The following THSD7B variants were observed in gnomAD, a reference collection of about 807,000 sequenced individuals.
The protein encoded by THSD7B is thrombospondin type 1 domain containing 7B, also known as thrombospondin type-1 domain-containing protein 7B.
A neutral mutation model predicts 213.6 loss-of-function variants in THSD7B; 138 were observed. The observed-to-expected ratio is 0.65, with a 90% CI of 0.56 to 0.74. The LOEUF is 0.74. Ranked by LOEUF, THSD7B falls within the 30% of genes least tolerant of loss-of-function variation. The pLI, the probability that THSD7B is intolerant of heterozygous loss-of-function variation, is 0.00. For missense variants in THSD7B, 1,931 were observed against 1,991.5 expected (o/e 0.97, Z 0.58); for synonymous variants, 742 against 687.0 (o/e 1.08, Z -1.25).
At chr2:136,956,748 C>G (rs1303431664) in intron 2 of THSD7B, among the ~76,000 whole-genome samples, 3 of 151,224 alleles carry the variant, frequency 2.0e-5, no homozygotes, top group Non-Finnish European at 4.4e-5. Flanking sequence ...TGCACAATCT[C>G]AGGTCACTGC....
chr2:137,366,404 AG>A (rs1558772025), intron 12 of THSD7B, among the ~76,000 whole-genome samples: 1 of 152,080 alleles, frequency 6.6e-6, no homozygotes, highest in East Asian at 1.9e-4. Flanking sequence ...AAAAAAAAAA[AG>A]AATTTTAAGC....
intron 12 of THSD7B, among the ~76,000 whole-genome samples, chr2:137,362,992 C>A (rs1446125645): frequency 3.3e-5 from 5 of 152,186 alleles, no homozygotes; most frequent in African/African-American, 1.2e-4. Context: ...GGGAGTAAAG[C>A]ACTCCTCAGC....
intron 2 of THSD7B, among the ~76,000 whole-genome samples, chr2:136,903,556 A>G (rs1475461539): frequency 6.6e-6 from 1 of 152,118 alleles, no homozygotes; most frequent in Non-Finnish European, 1.5e-5. Flanking sequence ...AGGGGTATGG[A>G]CAAGATGGAG....
rs1285840896 is a variant in THSD7B at position 137,011,094 on chromosome 2, A to G, written c.140-45326A>G. Among the ~76,000 whole-genome samples the G allele has an allele frequency of 2.0e-5, 3 of 152,142 alleles. No homozygotes were observed. The East Asian group carries it at 5.8e-4, about 29-fold the overall frequency. ...GATTCTGAACTATTTACATTCTCTGACCTACTTCCCCTTCACACCAACAGG... is the reference window on the plus strand; with the variant it reads ...GATTCTGAACTATTTACATTCTCTGGCCTACTTCCCCTTCACACCAACAGG... On this transcript the variant is annotated intron_variant, in intron 2 of 27. Transcript: ENST00000409968.
chr2:137,543,540 T>C (rs980145478), intron 15 of THSD7B, among the ~76,000 whole-genome samples: 2 of 151,830 alleles, frequency 1.3e-5, no homozygotes, highest in Non-Finnish European at 2.9e-5. Flanking sequence ...AAGAAAACAT[T>C]GATATACATC....
intron 2 of THSD7B, among the ~76,000 whole-genome samples, chr2:136,912,676 TAATG>T (rs1359124011): frequency 6.6e-6 from 1 of 152,188 alleles, no homozygotes; most frequent in African/African-American, 2.4e-5. Context: ...ATTCTTGTGA[TAATG>T]AATAAGTCTC....
At chr2:136,939,484 A>T (rs1257414450) in intron 2 of THSD7B, among the ~76,000 whole-genome samples, 2 of 151,980 alleles carry the variant, frequency 1.3e-5, no homozygotes, top group Non-Finnish European at 1.5e-5. Context: ...TACAACTTTT[A>T]TCACCTTATG....
At chr2:136,890,353 TTC>T (rs1173419043) in intron 2 of THSD7B, among the ~76,000 whole-genome samples, 3,981 of 10,660 alleles carry the variant, frequency 0.37, 1,093 homozygotes, top group Middle Eastern at 0.77. Flanking sequence ...CTTCTTCTTC[TTC>T]TTCTTCTTCT....
intron 15 of THSD7B, among the ~76,000 whole-genome samples, chr2:137,555,387 A>G (rs1266950842): frequency 6.6e-6 from 1 of 152,222 alleles, no homozygotes; most frequent in Non-Finnish European, 1.5e-5. Context: ...CTGTTCAGCA[A>G]CATTCGCTGT....
chr2:137,268,159 A>T (rs1179732143), intron 10 of THSD7B, among the ~76,000 whole-genome samples: 7 of 150,532 alleles, frequency 4.7e-5, no homozygotes, highest in African/African-American at 1.7e-4. Flanking sequence ...ATTTTATTTT[A>T]TTTTTTTTAT....
intron 3 of THSD7B, among the ~76,000 whole-genome samples, chr2:137,085,025 A>G (rs1475575749): frequency 1.3e-5 from 2 of 152,208 alleles, no homozygotes; most frequent in Non-Finnish European, 2.9e-5. Context: ...AAAAGTCTAT[A>G]TAGTTTGTGA....
Position 137,303,718 on chromosome 2 carries a change from A to ATATATATT in THSD7B, c.2500+27699_2500+27700insTTATATAT, listed in dbSNP as rs1553437359. 4.4e-5 allele frequency among the ~76,000 whole-genome samples: 5 copies of ATATATATT among 114,458 alleles called. 1 individual carries two copies. Among genetic ancestry groups the ATATATATT allele is most frequent in the African/African-American group, 1.0e-4 (3 of 28,814 alleles). 75.1% of individuals were successfully genotyped at this position (114,458 alleles called of 152,430 possible). ...TTTATATATATTTATATATATATTT[A>ATATATATT]TATATATATTTATATATATATTTAT... On this transcript the variant is annotated intron_variant, in intron 12 of 27. Transcript: ENST00000409968.
intron 3 of THSD7B, among the ~76,000 whole-genome samples, chr2:137,093,787 T>C (rs552676824): frequency 8.2e-6 from 1 of 121,466 alleles, no homozygotes. Context: ...ATACTTTAAG[T>C]TTTAGGGTAC....
intron 4 of THSD7B, among the ~76,000 whole-genome samples, chr2:137,101,877 G>A (rs1432252587): frequency 1.3e-5 from 2 of 152,228 alleles, no homozygotes; most frequent in African/African-American, 4.8e-5. Flanking sequence ...TGAAAGAAAG[G>A]CAGCAGCCCC....
chr2:137,653,199 G>T (rs1434597087), intron 21 of THSD7B, among the ~76,000 whole-genome samples: 1 of 152,120 alleles, frequency 6.6e-6, no homozygotes, highest in African/African-American at 2.4e-5. Flanking sequence ...GCTGGATACA[G>T]TATGCTTGGG....
At chr2:137,178,028 G>A (rs1573869680) in intron 7 of THSD7B, among the ~76,000 whole-genome samples, 3 of 137,692 alleles carry the variant, frequency 2.2e-5, no homozygotes, top group South Asian at 4.5e-4. Flanking sequence ...CCAAGATTGC[G>A]CCACTGTACT....
chr2:137,289,032 GATA>G (rs1297472647), intron 12 of THSD7B, among the ~76,000 whole-genome samples: 1 of 144,798 alleles, frequency 6.9e-6, no homozygotes, highest in Non-Finnish European at 1.5e-5. Context: ...CTATGAAGTG[GATA>G]ATAATTCCAA....
rs762145938 is a variant in THSD7B at position 137,115,260 on chromosome 2, G to T, written c.1336G>T (p.Val446Leu). ...CCGGGAGGTGTACTGTGCCCAGAGCGTACCAGCAGCTGCCGCACTGAGGGC... is the reference window on the plus strand; with the variant it reads ...CCGGGAGGTGTACTGTGCCCAGAGCTTACCAGCAGCTGCCGCACTGAGGGC... ...QTREVYCAQS[V>L]PAAAALRAKE... The change falls in exon 5 of 28, where the codon GTA (valine) becomes TTA (leucine). Residue 446 changes from valine to leucine, a missense_variant. Coordinates refer to ENST00000409968, the MANE Select transcript of THSD7B (RefSeq NM_001316349.2). 2.5e-6 allele frequency: 4 copies of T among 1,600,544 alleles called. No homozygotes were observed. The highest frequency in any genetic ancestry group is 3.4e-6 in the Non-Finnish European group (4 of 1,173,946).
At chr2:137,271,295 CTT>C (rs1257789581) in intron 10 of THSD7B, among the ~76,000 whole-genome samples, 11 of 150,464 alleles carry the variant, frequency 7.3e-5, no homozygotes, top group Non-Finnish European at 1.6e-4. Context: ...ACTTGTCTGT[CTT>C]TGTAAATAAA....
Sources: gnomAD v4.1 joint callset for allele counts (sites outside exome capture counted in the v4.1 genomes callset) on GRCh38, gnomAD v4.1.1 for gene constraint, MANE v1.5 for transcripts, NCBI Gene and HGNC (gene_info 2026-07-23, HGNC 2026-07-21) for gene names.